MTHFD1L: variants seen among roughly 807,000 people sequenced by gnomAD.
The protein encoded by MTHFD1L is methylenetetrahydrofolate dehydrogenase (NADP+ dependent) 1 like, also known as monofunctional C1-tetrahydrofolate synthase, mitochondrial.
MTHFD1L carries 81 observed loss-of-function variants against 119.5 expected under a neutral mutation model. The ratio of observed to expected loss-of-function variants is 0.68; its 90% CI spans 0.57 to 0.82. The LOEUF (loss-of-function observed/expected upper bound fraction) is 0.82. Among genes scored for constraint, MTHFD1L ranks in the 40% least tolerant of loss-of-function variants. The pLI, the probability that MTHFD1L is intolerant of heterozygous loss-of-function variation, is 0.00. For synonymous variants in MTHFD1L, 430 were observed against 475.2 expected (o/e 0.90, Z 1.24); for missense variants, 1,125 against 1,253.4 (o/e 0.90, Z 1.55).
At chr6:150,963,987 G>A (rs773218885) in intron 18 of MTHFD1L, among the ~76,000 whole-genome samples, 14 of 152,128 alleles carry the variant, frequency 9.2e-5, no homozygotes, top group Admixed American at 2.0e-4. Flanking sequence ...CCAATATGGT[G>A]AAACCCCATC....
intron 17 of MTHFD1L, among the ~76,000 whole-genome samples, chr6:150,956,415 G>A (rs1795655200): frequency 6.6e-6 from 1 of 152,092 alleles, no homozygotes; most frequent in Admixed American, 6.5e-5. Context: ...ACTGATAAAT[G>A]AAAATCTCAG....
chr6:150,922,515 G>T (rs1789131734), intron 10 of MTHFD1L, among the ~76,000 whole-genome samples: 1 of 149,608 alleles, frequency 6.7e-6, no homozygotes, highest in Non-Finnish European at 1.5e-5. Context: ...TTCTAAGAAG[G>T]CATATTTTTT....
At chr6:150,999,033 T>C (rs899291132) in intron 20 of MTHFD1L, among the ~76,000 whole-genome samples, 2 of 147,660 alleles carry the variant, frequency 1.4e-5, no homozygotes, top group Non-Finnish European at 3.0e-5. Context: ...AGGCTATGTC[T>C]ATAAGGAGTA....
chr6:150,875,346 G>A (rs1393557675), intron 1 of MTHFD1L, among the ~76,000 whole-genome samples: 1 of 152,032 alleles, frequency 6.6e-6, no homozygotes, highest in Non-Finnish European at 1.5e-5. Flanking sequence ...ACCATGCCAG[G>A]CCTTCTACCA....
chr6:150,903,651 T>A (rs1459121549), intron 7 of MTHFD1L, among the ~76,000 whole-genome samples: 1 of 152,190 alleles, frequency 6.6e-6, no homozygotes, highest in African/African-American at 2.4e-5. Context: ...CTCAAACTTT[T>A]GGGCTCAAGC....
chr6:150,886,812 G>A (rs1009148421), intron 6 of MTHFD1L, among the ~76,000 whole-genome samples: 2 of 151,776 alleles, frequency 1.3e-5, no homozygotes, highest in Admixed American at 1.3e-4. Flanking sequence ...AACATAGGGA[G>A]ACTCCATCTC....
chr6:150,888,348 G>A (rs1241564923), intron 7 of MTHFD1L, among the ~76,000 whole-genome samples: 7 of 152,138 alleles, frequency 4.6e-5, no homozygotes, highest in South Asian at 4.1e-4. Flanking sequence ...TGAAATAATC[G>A]TGAGCGAAAT....
At chr6:150,987,969 C>T (rs931581382) in intron 20 of MTHFD1L, among the ~76,000 whole-genome samples, 1 of 152,154 alleles carries the variant, frequency 6.6e-6, no homozygotes, top group Admixed American at 6.5e-5. Context: ...CTAACCTGAC[C>T]TTGACTGTTT....
intron 26 of MTHFD1L, among the ~76,000 whole-genome samples, chr6:151,079,432 A>G (rs1428144460): frequency 6.6e-6 from 1 of 151,802 alleles, no homozygotes; most frequent in Non-Finnish European, 1.5e-5. Flanking sequence ...GGCAGGGAAC[A>G]GGTTTTTCTG....
intron 16 of MTHFD1L, among the ~76,000 whole-genome samples, chr6:150,950,897 G>A (rs879330868): frequency 2.0e-5 from 3 of 152,018 alleles, no homozygotes; most frequent in African/African-American, 4.8e-5. Flanking sequence ...TGGAACTCCT[G>A]ACCTCAAACG....
intron 27 of MTHFD1L, among the ~76,000 whole-genome samples, chr6:151,093,556 C>G (rs1479206280): frequency 6.6e-6 from 1 of 152,064 alleles, no homozygotes; most frequent in Non-Finnish European, 1.5e-5. Flanking sequence ...ACTCGGGAGG[C>G]TGAGGCAGAG....
intron 7 of MTHFD1L, among the ~76,000 whole-genome samples, chr6:150,895,212 C>G (rs1784022050): frequency 1.3e-5 from 2 of 152,176 alleles, no homozygotes; most frequent in South Asian, 4.1e-4. Context: ...TGGAGGTAAC[C>G]TCTTCCTGAC....
intron 25 of MTHFD1L, among the ~76,000 whole-genome samples, chr6:151,036,497 G>A (rs1416986940): frequency 2.0e-5 from 3 of 152,168 alleles, no homozygotes; most frequent in Non-Finnish European, 2.9e-5. Context: ...TGTAATTGCA[G>A]ATCAAATAGC....
intron 4 of MTHFD1L, 56 bp from the exon 5 acceptor site, chr6:150,882,706 T>A (rs530016449): frequency 7.9e-7 from 1 of 1,265,882 alleles, no homozygotes; most frequent in East Asian, 2.9e-5. Flanking sequence ...GCTTCCTTTG[T>A]TGGGTCTCAT....
intron 26 of MTHFD1L, among the ~76,000 whole-genome samples, chr6:151,068,788 G>A (rs1584388997): frequency 1.3e-5 from 2 of 152,092 alleles, no homozygotes; most frequent in South Asian, 4.1e-4. Flanking sequence ...CAGTAGGCAC[G>A]AACTTTACCA....
chr6:151,029,185 C>A (rs1784992289), intron 24 of MTHFD1L, among the ~76,000 whole-genome samples: 1 of 151,916 alleles, frequency 6.6e-6, no homozygotes, highest in African/African-American at 2.4e-5. Context: ...CTTTGGGAGG[C>A]CGAGGCAGGC....
intron 8 of MTHFD1L, among the ~76,000 whole-genome samples, chr6:150,915,307 T>TC (rs1787665966): frequency 1.3e-5 from 2 of 152,214 alleles, no homozygotes; most frequent in African/African-American, 4.8e-5. Context: ...GTATTTTATG[T>TC]GTGGCTATGG....
chr6:151,073,005 C>T (rs1012360255), intron 26 of MTHFD1L, among the ~76,000 whole-genome samples: 10 of 151,952 alleles, frequency 6.6e-5, no homozygotes, highest in Non-Finnish European at 1.3e-4. Flanking sequence ...AAACAGTGGC[C>T]CCTGAGAAAT....
At chr6:150,877,379 T>A (rs902631344) in intron 2 of MTHFD1L, among the ~76,000 whole-genome samples, 21 of 152,184 alleles carry the variant, frequency 1.4e-4, no homozygotes, top group Admixed American at 1.0e-3. Context: ...AGAGGAAAGC[T>A]GGCTAGGTTA....
Sources: allele counts gnomAD v4.1 joint callset (sites outside exome capture counted in the v4.1 genomes callset), GRCh38; gene constraint gnomAD v4.1.1; transcripts MANE v1.5; gene names NCBI Gene and HGNC (gene_info 2026-07-23, HGNC 2026-07-21).